The following EXOC6 variants were observed in gnomAD, a reference collection of about 807,000 sequenced individuals.
The protein encoded by EXOC6 is SEC15-like 1.
EXOC6 carries 60 observed loss-of-function variants against 112.5 expected under a neutral mutation model. The ratio of observed to expected loss-of-function variants is 0.53; its 90% CI spans 0.43 to 0.66. The LOEUF (loss-of-function observed/expected upper bound fraction) is 0.66, where lower values mean the gene tolerates loss of function less well. Among genes scored for constraint, EXOC6 ranks in the 30% least tolerant of loss-of-function variants. The probability of loss-of-function intolerance (pLI) is 0.00; values close to 1 mark genes in which losing one functional copy is unlikely to be tolerated. For synonymous variants in EXOC6, 295 were observed against 308.0 expected, an observed-to-expected ratio of 0.96 and a Z score of 0.44; for missense variants, 855 against 957.1, an observed-to-expected ratio of 0.89 and a Z score of 1.41.
chr10:92,864,814 T>A (rs1174713166), intron 1 of EXOC6, among the ~76,000 whole-genome samples: 1 of 152,176 alleles, frequency 6.6e-6, no homozygotes, highest in Non-Finnish European at 1.5e-5. Context: ...CCTTTTGACT[T>A]GGTCTGAATT....
chr10:92,977,791 G>A (rs1190199883), intron 18 of EXOC6, among the ~76,000 whole-genome samples: 3 of 152,128 alleles, frequency 2.0e-5, no homozygotes, highest in African/African-American at 7.2e-5. Flanking sequence ...GATTAAGAGA[G>A]ATTATGTGTT....
chr10:92,887,499 G>C (rs567664996), intron 1 of EXOC6, among the ~76,000 whole-genome samples: 13 of 148,250 alleles, frequency 8.8e-5, no homozygotes, highest in African/African-American at 3.2e-4. Flanking sequence ...CCGGGTTCAA[G>C]CAGTTCTCTC....
intron 20 of EXOC6, among the ~76,000 whole-genome samples, chr10:93,025,702 G>A (rs1017945555): frequency 6.6e-6 from 1 of 152,198 alleles, no homozygotes; most frequent in Non-Finnish European, 1.5e-5. Context: ...AATTTTAAAT[G>A]TGCAAAATAT....
intron 20 of EXOC6, among the ~76,000 whole-genome samples, chr10:93,020,100 A>G (rs1450956538): frequency 6.6e-6 from 1 of 152,172 alleles, no homozygotes; most frequent in African/African-American, 2.4e-5. Context: ...AGGAAAAACC[A>G]TAGTATACAT....
At chr10:93,017,730 G>A (rs1844596605) in intron 20 of EXOC6, among the ~76,000 whole-genome samples, 1 of 151,956 alleles carries the variant, frequency 6.6e-6, no homozygotes, top group African/African-American at 2.4e-5. Flanking sequence ...TAAAATAAAA[G>A]GCTGGGCGTG....
At chr10:93,024,086 A>T (rs369328196) in intron 20 of EXOC6, among the ~76,000 whole-genome samples, 2 of 152,240 alleles carry the variant, frequency 1.3e-5, no homozygotes, top group Non-Finnish European at 1.5e-5. Flanking sequence ...CACTAATACT[A>T]TACTAAATCC....
intron 19 of EXOC6, among the ~76,000 whole-genome samples, chr10:93,004,036 A>G (rs1232900384): frequency 6.6e-6 from 1 of 152,178 alleles, no homozygotes; most frequent in Non-Finnish European, 1.5e-5. Flanking sequence ...GTCATTTAGA[A>G]ATTTGTACTG....
chr10:93,023,432 A>G (rs767574788), intron 20 of EXOC6, among the ~76,000 whole-genome samples: 1 of 152,234 alleles, frequency 6.6e-6, no homozygotes, highest in Admixed American at 6.5e-5. Flanking sequence ...CATCCTGCCA[A>G]TCACATACTT....
At chr10:93,012,712 C>G (rs1844305234) in intron 19 of EXOC6, among the ~76,000 whole-genome samples, 1 of 151,988 alleles carries the variant, frequency 6.6e-6, no homozygotes, top group Admixed American at 6.6e-5. Context: ...AAATAGCTTC[C>G]AAAATTCTAG....
At chr10:93,021,043 C>T (rs572340242) in intron 20 of EXOC6, among the ~76,000 whole-genome samples, 1 of 152,098 alleles carries the variant, frequency 6.6e-6, no homozygotes, top group Admixed American at 6.6e-5. Context: ...TCTGTCAACA[C>T]ACCTGGGCAG....
At chr10:92,935,780 G>C in intron 11 of EXOC6, 34 bp from the exon 12 acceptor site, 1 of 1,406,924 alleles carries the variant, frequency 7.1e-7, no homozygotes, top group Non-Finnish European at 1.0e-6. Flanking sequence ...GTTGTTGTCG[G>C]TGTTTTGTTT....
chr10:92,904,814 C>T (rs886190977), intron 5 of EXOC6, among the ~76,000 whole-genome samples: 1 of 151,956 alleles, frequency 6.6e-6, no homozygotes, highest in Non-Finnish European at 1.5e-5. Flanking sequence ...GTCCAGTTTA[C>T]CTTTTTTTCT....
intron 17 of EXOC6, among the ~76,000 whole-genome samples, chr10:92,959,903 T>C (rs1167973814): frequency 6.6e-6 from 1 of 152,210 alleles, no homozygotes; most frequent in Non-Finnish European, 1.5e-5. Context: ...TCTTACTCAT[T>C]GCTGGTGGGA....
intron 1 of EXOC6, among the ~76,000 whole-genome samples, chr10:92,839,071 A>G (rs554599726): frequency 2.2e-5 from 3 of 138,744 alleles, no homozygotes; most frequent in Non-Finnish European, 4.8e-5. Flanking sequence ...AGACTCCTCT[A>G]AAAAAAAAAA....
chr10:92,884,404 C>A (rs1849109456), intron 1 of EXOC6, among the ~76,000 whole-genome samples: 1 of 152,134 alleles, frequency 6.6e-6, no homozygotes, highest in South Asian at 2.1e-4. Context: ...GGAAAGTCAG[C>A]CAGTGACTAG....
Position 92,928,402 on chromosome 10 carries a change from T to G in EXOC6, c.952T>G (p.Leu318Val). Residue 318 changes from leucine to valine, a missense_variant, in exon 9 of 22, where the codon TTG becomes GTG. Transcript: ENST00000260762. ...KQRKKQARLV[L>V]QPQSNMHETV... ...AAGAAAGAAACAAGCAAGACTGGTA[T>G]TGCAACCCCAGTCGAATATGGTAAG... The G allele has an allele frequency of 6.2e-7, 1 of 1,608,158 alleles. No individual in the cohort carries two copies. Among genetic ancestry groups the G allele is most frequent in the Non-Finnish European group, 8.5e-7 (1 of 1,176,076 alleles).
intron 20 of EXOC6, among the ~76,000 whole-genome samples, chr10:93,037,434 A>G (rs1332190336): frequency 3.8e-5 from 5 of 132,934 alleles, no homozygotes; most frequent in African/African-American, 1.6e-4. Context: ...ATCCAGCCCT[A>G]TTATTCTCCA....
At chr10:92,839,405 C>G (rs541969003) in intron 1 of EXOC6, among the ~76,000 whole-genome samples, 181 of 152,270 alleles carry the variant, frequency 1.2e-3, no homozygotes, top group African/African-American at 4.2e-3. Flanking sequence ...TTATCAAATT[C>G]CTTGCACAAG....
At chr10:92,886,519 A>T (rs78673890) in intron 1 of EXOC6, among the ~76,000 whole-genome samples, 1,568 of 152,272 alleles carry the variant, frequency 0.01, 16 homozygotes, top group Non-Finnish European at 0.017. Flanking sequence ...CTATGCTGGT[A>T]ACTTCCCTCT....
Sources: allele counts gnomAD v4.1 joint callset (sites outside exome capture counted in the v4.1 genomes callset), GRCh38; gene constraint gnomAD v4.1.1; transcripts MANE v1.5; gene names NCBI Gene and HGNC (gene_info 2026-07-23, HGNC 2026-07-21).